ITPK1: variants seen among roughly 807,000 people sequenced by gnomAD.
The protein encoded by ITPK1 is inositol 1,3,4-trisphosphate 5/6-kinase.
Under a neutral mutation model 45.3 loss-of-function variants are expected in ITPK1, and 21 were observed. The observed-to-expected ratio is 0.46, with a 90% CI of 0.33 to 0.67. The LOEUF (loss-of-function observed/expected upper bound fraction) is 0.67. Among genes scored for constraint, ITPK1 ranks in the 30% least tolerant of loss-of-function variants. The pLI is 0.02. For synonymous variants in ITPK1, 258 were observed against 253.6 expected, an observed-to-expected ratio of 1.02 and a Z score of -0.16; for missense variants, 474 against 573.5, an observed-to-expected ratio of 0.83 and a Z score of 1.77.
At chr14:92,966,785 C>T (rs964154469) in intron 5 of ITPK1, among the ~76,000 whole-genome samples, 1 of 152,230 alleles carries the variant, frequency 6.6e-6, no homozygotes, top group African/African-American at 2.4e-5. Flanking sequence ...TGGAAATAAA[C>T]TTGTGCATCT....
chr14:93,023,452 A>G (rs905641114), intron 3 of ITPK1, among the ~76,000 whole-genome samples: 1 of 152,222 alleles, frequency 6.6e-6, no homozygotes, highest in Non-Finnish European at 1.5e-5. Context: ...GACATGTGGC[A>G]TGAGTGCGGA....
intron 2 of ITPK1, among the ~76,000 whole-genome samples, chr14:93,101,386 T>A (rs1892313971): frequency 6.6e-6 from 1 of 152,146 alleles, no homozygotes; most frequent in Admixed American, 6.5e-5. Flanking sequence ...CACAGGTGAG[T>A]AAGGGGCCAC....
intron 4 of ITPK1, among the ~76,000 whole-genome samples, chr14:93,001,296 AAAACAAAC>A (rs139436466): frequency 3.2e-4 from 49 of 151,012 alleles, no homozygotes; most frequent in South Asian, 2.1e-3. Flanking sequence ...TGTCTCAGGA[AAAACAAAC>A]AAACAAACAA....
chr14:93,073,384 AG>A (rs1891100023), intron 3 of ITPK1, among the ~76,000 whole-genome samples: 1 of 152,214 alleles, frequency 6.6e-6, no homozygotes, highest in Admixed American at 6.5e-5. Context: ...CAGGCACCTG[AG>A]GACACTGAGA....
At chr14:92,973,341 G>A (rs1885752569) in intron 5 of ITPK1, among the ~76,000 whole-genome samples, 1 of 152,228 alleles carries the variant, frequency 6.6e-6, no homozygotes, top group East Asian at 1.9e-4. Flanking sequence ...GAAACAAAAG[G>A]AGGAGGGAAG....
At position 93,090,674 on chromosome 14, in the gene ITPK1, G is replaced by A. The variant is rs1476946594; in HGVS notation, c.96-14055C>T. Among the ~76,000 whole-genome samples the A allele has an allele frequency of 1.3e-5, 2 of 152,126 alleles. 1 individual carries two copies. Among genetic ancestry groups the A allele is most frequent in the East Asian group, 3.8e-4 (2 of 5,198 alleles). Reference sequence around the variant, plus strand: ...TCTGGAACTAAATTCCTCCTGATGAGGAATAAAACTCCAGGGACAGGAGGA... The same window carrying A: ...TCTGGAACTAAATTCCTCCTGATGAAGAATAAAACTCCAGGGACAGGAGGA... On this transcript the variant is annotated intron_variant, in intron 2 of 10. Transcript: ENST00000267615.
intron 5 of ITPK1, among the ~76,000 whole-genome samples, chr14:92,981,288 C>T (rs1886215768): frequency 1.3e-5 from 2 of 152,220 alleles, no homozygotes; most frequent in Admixed American, 1.3e-4. Flanking sequence ...CAATGGCCTC[C>T]CTCTCTCCCC....
At chr14:93,051,800 G>A (rs960556041) in intron 3 of ITPK1, among the ~76,000 whole-genome samples, 11 of 152,246 alleles carry the variant, frequency 7.2e-5, no homozygotes, top group Non-Finnish European at 1.2e-4. Context: ...GGGAATGGAA[G>A]ACAGCAGATT....
intron 5 of ITPK1, among the ~76,000 whole-genome samples, chr14:92,968,373 C>G (rs1256364029): frequency 1.3e-5 from 2 of 151,954 alleles, no homozygotes; most frequent in African/African-American, 4.8e-5. Flanking sequence ...TAAATTGTAT[C>G]AATACATTAA....
At chr14:92,988,949 G>A (rs910404038) in intron 5 of ITPK1, among the ~76,000 whole-genome samples, 2 of 152,166 alleles carry the variant, frequency 1.3e-5, no homozygotes, top group Non-Finnish European at 2.9e-5. Context: ...AATTGGCGGA[G>A]GGTTGGAGGG....
At position 92,958,599 on chromosome 14, in the gene ITPK1, T is replaced by C. The variant is rs1367064450; in HGVS notation, c.505-233A>G. On this transcript the variant is annotated intron_variant, in intron 7 of 10. Coordinates refer to ENST00000267615, the MANE Select transcript of ITPK1 (RefSeq NM_014216.6). This position sits in a 1 kb window ranked among gnomAD's most constrained non-coding sequence, Gnocchi z 4.4. ...TTGGAGATCCTCCCTTCACCGGGCC[T>C]GCCATGTGAGATCGAGCTGGCTGTG... Among the ~76,000 whole-genome samples the C allele has an allele frequency of 6.6e-6, 1 of 152,192 alleles. No individual in the cohort carries two copies. The highest frequency in any genetic ancestry group is 1.5e-5 in the Non-Finnish European group (1 of 68,032).
Position 92,939,523 on chromosome 14 carries a change from T to G in ITPK1, c.*2038A>C. On this transcript the variant is annotated 3_prime_UTR_variant, in exon 11 of 11. Transcript: ENST00000267615. ...TACCTCCCATGTAGCTCCCAGGCCTTTACGAAGCAAATCTCCATCCTCCAT... is the reference window on the plus strand; with the variant it reads ...TACCTCCCATGTAGCTCCCAGGCCTGTACGAAGCAAATCTCCATCCTCCAT... 1 of 269,898 alleles carries G rather than the reference T, an allele frequency of 3.7e-6. No individual in the cohort carries two copies. The highest frequency in any genetic ancestry group is 5.7e-6 in the Non-Finnish European group (1 of 175,828). 16.7% of individuals were successfully genotyped at this position (269,898 alleles called of 1,614,324 possible). A position where few individuals can be genotyped will look rare whatever the true frequency, so the allele number is the denominator to read the frequency against.
intron 4 of ITPK1, among the ~76,000 whole-genome samples, chr14:93,004,130 G>A (rs566015887): frequency 9.2e-5 from 14 of 152,196 alleles, no homozygotes; most frequent in South Asian, 6.2e-4. Context: ...GTCACTGCAC[G>A]CATCCCAGTC....
chr14:92,956,226 C>T (rs1241176437), intron 8 of ITPK1, among the ~76,000 whole-genome samples: 1 of 151,928 alleles, frequency 6.6e-6, no homozygotes, highest in South Asian at 2.1e-4. Flanking sequence ...CCCAAGCGAT[C>T]CTCCTGCCTC....
At position 92,938,351 on chromosome 14, in the gene ITPK1, C is replaced by T. The variant is rs1887208862; in HGVS notation, c.*3210G>A. The T allele has an allele frequency of 1.4e-6, 1 of 724,138 alleles. No homozygotes were observed. The highest frequency in any genetic ancestry group is 1.7e-5 in the African/African-American group (1 of 57,728). The allele number at this position is 724,138 out of a possible 1,614,324, so 44.9% of individuals were successfully genotyped here. A position where few individuals can be genotyped will look rare whatever the true frequency, so the allele number is the denominator to read the frequency against. On this transcript the variant is annotated 3_prime_UTR_variant, in exon 11 of 11. Coordinates refer to ENST00000267615, the MANE Select transcript of ITPK1 (RefSeq NM_014216.6). ...TTGTGGCCAGTGGCCAATGTGAGTG[C>T]CCAAGAGCCAAGAACTGGTCTTCCA...
chr14:92,945,716 C>T (rs1202761095), intron 10 of ITPK1, among the ~76,000 whole-genome samples: 1 of 152,210 alleles, frequency 6.6e-6, no homozygotes, highest in Non-Finnish European at 1.5e-5. Context: ...GGGCTCTGCT[C>T]CTGCGGTCCC....
chr14:93,112,141 G>A (rs944013872), intron 2 of ITPK1, among the ~76,000 whole-genome samples: 6 of 152,062 alleles, frequency 3.9e-5, no homozygotes, highest in Non-Finnish European at 7.4e-5. Context: ...CCAGACCCCT[G>A]GAAAGATAAT....
intron 3 of ITPK1, among the ~76,000 whole-genome samples, chr14:93,026,317 C>T (rs4900170): frequency 0.027 from 4,058 of 152,144 alleles, 97 homozygotes; most frequent in Admixed American, 0.085. Flanking sequence ...CCTAACACAA[C>T]AGAAAACATG....
chr14:92,946,266 C>T (rs2139702610), intron 10 of ITPK1, 65 bp downstream of exon 10: 2 of 1,578,726 alleles, frequency 1.3e-6, no homozygotes, highest in South Asian at 1.1e-5. Flanking sequence ...CCCGCCTCAC[C>T]TGCCTGGTCA....
Sources: gnomAD v4.1 joint callset for allele counts (sites outside exome capture counted in the v4.1 genomes callset) on GRCh38, gnomAD v4.1.1 for gene constraint, Gnocchi (gnomAD v3.1) non-coding constraint, MANE v1.5 for transcripts, NCBI Gene and HGNC (gene_info 2026-07-23, HGNC 2026-07-21) for gene names.